UBR1: variants seen among roughly 807,000 people sequenced by gnomAD.
The protein encoded by UBR1 is E3 ubiquitin-protein ligase UBR1.
In UBR1, 102 loss-of-function variants were observed where a neutral mutation model predicts 242.1. The observed-to-expected ratio is 0.42, with a 90% CI of 0.36 to 0.50. The LOEUF (loss-of-function observed/expected upper bound fraction) is 0.50, where lower values mean the gene tolerates loss of function less well. Ranked by LOEUF, UBR1 falls within the 20% of genes least tolerant of loss-of-function variation. The pLI is 0.01. For synonymous variants in UBR1, 675 were observed against 684.8 expected (o/e 0.99, Z 0.22); for missense variants, 1,772 against 2,101.8 (o/e 0.84, Z 3.07).
intron 12 of UBR1, among the ~76,000 whole-genome samples, chr15:43,049,337 G>A (rs1051200054): frequency 7.2e-5 from 11 of 152,196 alleles, no homozygotes; most frequent in Non-Finnish European, 8.8e-5. Context: ...GCCGAGGCAG[G>A]TGGATCACGA....
intron 40 of UBR1, among the ~76,000 whole-genome samples, chr15:42,968,069 T>C (rs908569433): frequency 3.3e-5 from 5 of 152,098 alleles, no homozygotes; most frequent in African/African-American, 1.2e-4. Flanking sequence ...ATAAGGGCCT[T>C]AACCTGTAAC....
chr15:42,992,557 C>T (rs1042111729), intron 33 of UBR1, among the ~76,000 whole-genome samples: 1 of 152,182 alleles, frequency 6.6e-6, no homozygotes, highest in Admixed American at 6.5e-5. Flanking sequence ...GGGGGTTAGC[C>T]TGGGACTTGA....
intron 42 of UBR1, among the ~76,000 whole-genome samples, chr15:42,961,403 C>A (rs908347955): frequency 4.3e-4 from 64 of 149,940 alleles, no homozygotes; most frequent in Non-Finnish European, 6.2e-4. Context: ...AAATGAGCCA[C>A]TGTGCTGGCC....
chr15:42,965,178 G>A (rs972299381), intron 41 of UBR1, among the ~76,000 whole-genome samples: 1 of 152,210 alleles, frequency 6.6e-6, no homozygotes, highest in East Asian at 1.9e-4. Context: ...AAACCCTACT[G>A]AACTGAGTTC....
chr15:43,083,035 C>T (rs890228823), intron 2 of UBR1, among the ~76,000 whole-genome samples: 2 of 152,196 alleles, frequency 1.3e-5, no homozygotes, highest in Non-Finnish European at 2.9e-5. Flanking sequence ...AAATAATCCA[C>T]TTTTTCCATT....
intron 16 of UBR1, 137 bp from the exon 17 acceptor site, chr15:43,038,020 A>T: frequency 8.4e-7 from 1 of 1,195,512 alleles, no homozygotes; most frequent in Non-Finnish European, 1.2e-6. Flanking sequence ...AGTCCCTGTG[A>T]CTCAGATTAC....
intron 41 of UBR1, 62 bp downstream of exon 41, chr15:42,966,091 T>C (rs896981597): frequency 1.2e-5 from 20 of 1,611,528 alleles, no homozygotes; most frequent in Non-Finnish European, 1.6e-5. Context: ...ATTCATGAGC[T>C]TGAAGGTAAG....
intron 3 of UBR1, among the ~76,000 whole-genome samples, chr15:43,080,714 G>A (rs1257884638): frequency 6.6e-6 from 1 of 152,164 alleles, no homozygotes; most frequent in Non-Finnish European, 1.5e-5. Flanking sequence ...CAGCAATTTG[G>A]GAGGCCGAGG....
intron 3 of UBR1, among the ~76,000 whole-genome samples, chr15:43,080,959 A>C (rs1195360251): frequency 2.0e-5 from 3 of 152,202 alleles, no homozygotes; most frequent in African/African-American, 7.2e-5. Context: ...TCAAAAAAAA[A>C]ACATTTCGTG....
chr15:42,959,447 T>G (rs2031979106), intron 43 of UBR1, among the ~76,000 whole-genome samples: 1 of 152,196 alleles, frequency 6.6e-6, no homozygotes, highest in African/African-American at 2.4e-5. Flanking sequence ...TAAATTTCTA[T>G]AGCACTAATG....
chr15:43,060,189 C>T (rs1483172023), intron 6 of UBR1, 75 bp from the exon 7 acceptor site: 8 of 1,365,126 alleles, frequency 5.9e-6, no homozygotes, highest in Non-Finnish European at 8.4e-6. Flanking sequence ...AGCCCAAAGA[C>T]TTAATGAGCT....
At chr15:42,969,687 A>C (rs2032170780) in intron 40 of UBR1, among the ~76,000 whole-genome samples, 1 of 152,202 alleles carries the variant, frequency 6.6e-6, no homozygotes, top group Non-Finnish European at 1.5e-5. Context: ...AATCACAAGC[A>C]TCCCTATACA....
In UBR1 at chr15:43,070,621, C is replaced by T. The variant is rs193048545; in HGVS notation, c.659+174G>A. Among the ~76,000 whole-genome samples, 24 of 152,200 alleles carry T rather than the reference C, an allele frequency of 1.6e-4. No homozygotes were observed. The East Asian group carries it at 4.6e-3, about 29-fold the overall frequency. On this transcript the variant is annotated intron_variant, in intron 5 of 46. Coordinates refer to ENST00000290650, the MANE Select transcript of UBR1 (RefSeq NM_174916.3). The stretch of plus-strand genomic sequence containing the variant: ...CTTTTGGCTTAGCTTCTGGATGGTG[C>T]CTAGCAAAGTATCTCATACAAACGG...
chr15:43,040,258 A>G (rs575814460), intron 15 of UBR1, among the ~76,000 whole-genome samples: 1 of 152,312 alleles, frequency 6.6e-6, no homozygotes, highest in South Asian at 2.1e-4. Context: ...AGAGATATAG[A>G]CCAATGGGAC....
chr15:42,960,581 A>C, intron 43 of UBR1, 64 bp downstream of exon 43: 1 of 1,527,834 alleles, frequency 6.5e-7, no homozygotes. Context: ...ATGCTCAACA[A>C]ATCAACTACT....
chr15:42,950,409 A>C, intron 45 of UBR1, 46 bp from the exon 46 acceptor site: 1 of 1,524,396 alleles, frequency 6.6e-7, no homozygotes, highest in Non-Finnish European at 9.1e-7. Context: ...GTATGTGTGC[A>C]AATGATAGGC....
chr15:43,074,578 T>C (rs1232514508), intron 4 of UBR1, among the ~76,000 whole-genome samples: 1 of 152,084 alleles, frequency 6.6e-6, no homozygotes, highest in Non-Finnish European at 1.5e-5. Context: ...TACAGGTGTG[T>C]GCCACCACAC....
chr15:43,013,230 A>G (rs935818283), intron 29 of UBR1, among the ~76,000 whole-genome samples: 6 of 152,184 alleles, frequency 3.9e-5, no homozygotes, highest in Admixed American at 3.3e-4. Flanking sequence ...TTTAAACAGC[A>G]GTGAAAGCTT....
intron 35 of UBR1, among the ~76,000 whole-genome samples, chr15:42,987,013 C>T (rs534051214): frequency 1.3e-5 from 2 of 152,350 alleles, no homozygotes; most frequent in Admixed American, 6.5e-5. Flanking sequence ...GGAAGGCACA[C>T]GGTGGAGTGG....
Sources: gnomAD v4.1 joint callset for allele counts (sites outside exome capture counted in the v4.1 genomes callset) on GRCh38, gnomAD v4.1.1 for gene constraint, MANE v1.5 for transcripts, NCBI Gene and HGNC (gene_info 2026-07-23, HGNC 2026-07-21) for gene names.